Variants in GAREM2 observed in about 807,000 individuals in gnomAD.
GAREM2 encodes the protein GRB2 associated regulator of MAPK1 subtype 2.
A neutral mutation model predicts 55.6 loss-of-function variants in GAREM2; 30 were observed. The observed-to-expected ratio is 0.54, with a 90% confidence interval of 0.40 to 0.73. The LOEUF (loss-of-function observed/expected upper bound fraction) is 0.73, where lower values mean the gene tolerates loss of function less well. GAREM2 is among the 30% of genes least tolerant of loss of function. The pLI, the probability that GAREM2 is intolerant of heterozygous loss-of-function variation, is 0.00. For synonymous variants in GAREM2, 550 were observed against 569.1 expected, an observed-to-expected ratio of 0.97 and a Z score of 0.48; for missense variants, 1,075 against 1,257.7, an observed-to-expected ratio of 0.85 and a Z score of 2.20.
rs867403747 is a variant in GAREM2 at position 26,188,127 on chromosome 2, C to T, written c.2495C>T (p.Ala832Val). Residue 832 changes from alanine (A) to valine (V), a missense_variant, in exon 6 of 6, where the codon GCC becomes GTC. Physicochemically the swap from Ala to Val is moderately conservative, Grantham distance 64. Transcript: ENST00000401533. ...TCAGAGGATGTGGTGAGCTTCTTTG[C>T]CCGAGAACGCATCGATGGTAGCATC... The part of the protein sequence containing the change: ...GLSEDVVSFF[A>V]RERIDGSIFV... 56 of 1,551,352 alleles carry T rather than the reference C, an allele frequency of 3.6e-5. No individual in the cohort carries two copies. Among genetic ancestry groups the T allele is most frequent in the Non-Finnish European group, 4.9e-5 (56 of 1,146,750 alleles).
At chr2:26,185,381 G>C (rs1669217168) in intron 4 of GAREM2, 105 bp downstream of exon 4, 2 of 1,378,040 alleles carry the variant, frequency 1.5e-6, no homozygotes, top group South Asian at 1.6e-5. Context: ...TGTCTTCCTC[G>C]GCGGGGTGGG....
chr2:26,191,251 C>G, downstream of GAREM2: 1 of 1,612,406 alleles, frequency 6.2e-7, no homozygotes, highest in South Asian at 1.1e-5. Context: ...GAGGCCTGCT[C>G]ACTGGTAGAA....
At chr2:26,174,469 G>T (rs1668797678) in intron 1 of GAREM2, among the ~76,000 whole-genome samples, 1 of 152,232 alleles carries the variant, frequency 6.6e-6, no homozygotes, top group Non-Finnish European at 1.5e-5. Flanking sequence ...GGTCTGCGTA[G>T]GGCCTCCTTT....
At position 26,187,498 on chromosome 2, in the gene GAREM2, GC is replaced by G; in HGVS notation, c.1867del (p.Arg623AlafsTer151). On this transcript the variant is annotated frameshift_variant, in exon 6 of 6. Transcript: ENST00000401533. LOFTEE classifies it high-confidence loss of function. ...PLFKPSHPQK[R>X]FAPFGALNPF... ...TATTCAAGCCCTCACATCCCCAGAA[GC>G]GCTTTGCTCCGTTTGGAGCTCTCAA... The G allele has an allele frequency of 6.5e-7, 1 of 1,545,706 alleles. No individual in the cohort carries two copies. The highest frequency in any genetic ancestry group is 8.7e-7 in the Non-Finnish European group (1 of 1,144,206).
At chr2:26,180,770 C>G (rs1305309049) in intron 2 of GAREM2, 9 of 266,808 alleles carry the variant, frequency 3.4e-5, no homozygotes, top group Non-Finnish European at 4.0e-5. Flanking sequence ...GTGTGTGCCA[C>G]CACACCCAGA....
rs1669195125 is a variant in GAREM2, at chr2:26,185,050, C to T, written c.1202C>T (p.Pro401Leu). The change falls in exon 4 of 6, where the codon CCC becomes CTC. Residue 401 changes from proline to leucine, a missense_variant. This residue lies in a region of GAREM2 where 515 missense variants were observed against 501.5 expected (regional missense o/e 1.03). Coordinates refer to ENST00000401533, the MANE Select transcript of GAREM2 (RefSeq NM_001168241.2). ...GCCCCCGGCCCGCTAGCGCCGGCTC[C>T]CGCCGGCGAGGGCGACCAGGAGTAC... ...ARAPGPLAPA[P>L]AGEGDQEYVS... is the part of the protein sequence containing the mutation. 8.2e-7 allele frequency: 1 copy of T among 1,225,216 alleles called. No homozygotes were observed. The highest frequency in any genetic ancestry group is 1.0e-6 in the Non-Finnish European group (1 of 982,958). The allele number at this position is 1,225,216 out of a possible 1,614,324, so 75.9% of individuals were successfully genotyped here.
chr2:26,183,359 C>A (rs1669116645), intron 3 of GAREM2, among the ~76,000 whole-genome samples: 1 of 152,220 alleles, frequency 6.6e-6, no homozygotes, highest in South Asian at 2.1e-4. Flanking sequence ...CTTTTCAGGG[C>A]AACCTGTCCC....
rs1669321472 is a variant in GAREM2, at chr2:26,187,588, CACCTCGGGTCCTGTGGCT to C, written c.1962_1979del (p.Val657_Pro662del). On this transcript the variant is annotated inframe_deletion, in exon 6 of 6. Transcript: ENST00000401533. ...CGGCCTTGTCTTCTGGGCCCAGAAC[CACCTCGGGTCCTGTGGCT>C]ACCTCTGGCCCTGCGTATTCCCCAG... The C allele has an allele frequency of 6.5e-7, 1 of 1,549,004 alleles. No homozygotes were observed. The highest frequency in any genetic ancestry group is 2.4e-5 in the East Asian group (1 of 40,882).
At position 26,179,078 on chromosome 2, in the gene GAREM2, C is replaced by T. The variant is rs1264485391; in HGVS notation, c.253+2594C>T. Among the ~76,000 whole-genome samples, 2 of 152,130 alleles carry T rather than the reference C, an allele frequency of 1.3e-5. No homozygotes were observed. Among genetic ancestry groups the T allele is most frequent in the Non-Finnish European group, 2.9e-5 (2 of 68,006 alleles). On this transcript the variant is annotated intron_variant, in intron 2 of 5. Coordinates refer to ENST00000401533, the MANE Select transcript of GAREM2 (RefSeq NM_001168241.2). The surrounding 1 kb of genome is among the most constrained non-coding windows in gnomAD (Gnocchi z 4.7). Reference sequence around the variant, plus strand: ...GGGGAAGGCCGTGGAGGGAGGAGGACGGCGACTCGCGCCGGGTGGGGCTGA... The same window carrying T: ...GGGGAAGGCCGTGGAGGGAGGAGGATGGCGACTCGCGCCGGGTGGGGCTGA...
At position 26,186,242 on chromosome 2, in the gene GAREM2, C is replaced by T; in HGVS notation, c.1482C>T (p.Gly494=). The stretch of plus-strand genomic sequence containing the variant: ...CCCCTCCAGTGCCTCCCCGGGGTGG[C>T]AATGGCAGCGGCCGGCTCTCCAGCA... ...LNAPPVPPRG[G]NGSGRLSSSP... The change falls in exon 5 of 6, where the codon GGC becomes GGT. Residue 494 remains glycine (G), a synonymous_variant. Transcript: ENST00000401533. 6.5e-7 allele frequency: 1 copy of T among 1,547,974 alleles called. No individual in the cohort carries two copies. The highest frequency in any genetic ancestry group is 8.7e-7 in the Non-Finnish European group (1 of 1,145,186).
chr2:26,201,884 C>G, the GAREM2 span, among the ~76,000 whole-genome samples: 1 of 151,548 alleles, frequency 6.6e-6, no homozygotes, highest in Non-Finnish European at 1.5e-5. Flanking sequence ...AACCTCTTGT[C>G]TCCTGGGTTC....
chr2:26,195,001 G>T, the GAREM2 span: 3 of 1,088,908 alleles, frequency 2.8e-6, no homozygotes, highest in African/African-American at 1.5e-5. Context: ...CTGGTCATTT[G>T]CCCCAGAATA....
chr2:26,199,565 C>G, the GAREM2 span, among the ~76,000 whole-genome samples: 1 of 152,176 alleles, frequency 6.6e-6, no homozygotes, highest in East Asian at 1.9e-4. Context: ...TATGTCTTTT[C>G]TCCCAGCTAG....
the GAREM2 span, among the ~76,000 whole-genome samples, chr2:26,203,003 G>T: frequency 8.5e-4 from 130 of 152,344 alleles, 4 homozygotes; most frequent in South Asian, 0.026. Flanking sequence ...AAGAGAGACT[G>T]GGGGAGGAAA....
At chr2:26,195,073 C>G in the GAREM2 span, 2 of 1,605,774 alleles carry the variant, frequency 1.2e-6, no homozygotes, top group Middle Eastern at 1.7e-4. Flanking sequence ...CTCTGCAGCT[C>G]TGTTATACAG....
intron 3 of GAREM2, among the ~76,000 whole-genome samples, chr2:26,183,700 A>C (rs13404498): frequency 0.061 from 9,002 of 148,708 alleles, 894 homozygotes; most frequent in African/African-American, 0.21. Context: ...CCAGCCTGGG[A>C]GACAGAGCAA....
At position 26,184,383 on chromosome 2, in the gene GAREM2, G is replaced by C; in HGVS notation, c.535G>C (p.Gly179Arg). 6.5e-7 allele frequency: 1 copy of C among 1,537,918 alleles called. No homozygotes were observed. Among genetic ancestry groups the C allele is most frequent in the Non-Finnish European group, 8.8e-7 (1 of 1,140,194 alleles). ...SRFTTLLRKL[G>R]RAGALAGVGG... Reference sequence around the variant, plus strand: ...CTTCACCACCCTCCTGCGAAAGCTGGGCCGGGCCGGGGCGCTGGCCGGGGT... The same window carrying C: ...CTTCACCACCCTCCTGCGAAAGCTGCGCCGGGCCGGGGCGCTGGCCGGGGT... Residue 179 changes from glycine to arginine, a missense_variant, in exon 4 of 6, where the codon GGC (glycine) becomes CGC (arginine). Physicochemically the swap from Gly to Arg is moderately radical, Grantham distance 125. Around this residue, in one of 6 missense-constraint regions of GAREM2, gnomAD observed 230 missense variants for 310.6 expected, o/e 0.74. Coordinates refer to ENST00000401533, the MANE Select transcript of GAREM2 (RefSeq NM_001168241.2).
intron 4 of GAREM2, 86 bp downstream of exon 4, chr2:26,185,362 C>T: frequency 1.4e-6 from 2 of 1,396,952 alleles, no homozygotes; most frequent in South Asian, 1.5e-5. Flanking sequence ...GAGTATGTGG[C>T]AGACGAGGTG....
At chr2:26,190,934 C>T, downstream of GAREM2, 2 of 495,356 alleles carry the variant, frequency 4.0e-6, no homozygotes, top group Non-Finnish European at 7.4e-6. Context: ...CCTCACCACC[C>T]CTGGCCACCC....
Sources: allele counts gnomAD v4.1 joint callset (sites outside exome capture counted in the v4.1 genomes callset), GRCh38; gene constraint gnomAD v4.1.1; regional missense constraint gnomAD v4.1.1; non-coding constraint Gnocchi (gnomAD v3.1); transcripts MANE v1.5; gene names NCBI Gene and HGNC (gene_info 2026-07-23, HGNC 2026-07-21).